Variants in SNX30 observed in about 807,000 individuals in gnomAD.
The protein encoded by SNX30 is sorting nexin family member 30.
SNX30 carries 24 observed loss-of-function variants against 46.4 expected under a neutral mutation model. The observed-to-expected ratio is 0.52, with a 90% confidence interval of 0.37 to 0.73. The LOEUF is 0.73. Among genes scored for constraint, SNX30 ranks in the 30% least tolerant of loss-of-function variants. The pLI is 0.00. For missense variants in SNX30, 533 were observed against 555.7 expected, an observed-to-expected ratio of 0.96 and a Z score of 0.41; for synonymous variants, 189 against 211.5, an observed-to-expected ratio of 0.89 and a Z score of 0.92.
chr9:112,842,692 T>C (rs920356707), intron 6 of SNX30, among the ~76,000 whole-genome samples: 6 of 152,242 alleles, frequency 3.9e-5, no homozygotes, highest in African/African-American at 9.6e-5. Flanking sequence ...TAGGTGACTT[T>C]AGGCTTTTCA....
intron 1 of SNX30, among the ~76,000 whole-genome samples, chr9:112,795,765 T>TCTCACACACACA (rs34877094): frequency 0.099 from 12,220 of 123,190 alleles, 638 homozygotes; most frequent in Middle Eastern, 0.18. Flanking sequence ...CACAGTACAG[T>TCTCACACACACA]CACACACACA....
At chr9:112,810,438 T>A (rs1289791737) in intron 2 of SNX30, among the ~76,000 whole-genome samples, 3 of 152,004 alleles carry the variant, frequency 2.0e-5, no homozygotes, top group Non-Finnish European at 4.4e-5. Flanking sequence ...TTGCTGTAAG[T>A]GATTGAAGTT....
intron 1 of SNX30, among the ~76,000 whole-genome samples, chr9:112,786,477 G>A (rs187354695): frequency 6.6e-6 from 1 of 151,968 alleles, no homozygotes; most frequent in Non-Finnish European, 1.5e-5. Flanking sequence ...AAGTAAGGCT[G>A]TAAGAGTTTT....
At chr9:112,851,507 C>T (rs1218801236) in intron 7 of SNX30, among the ~76,000 whole-genome samples, 4 of 152,154 alleles carry the variant, frequency 2.6e-5, no homozygotes, top group Non-Finnish European at 5.9e-5. Context: ...AAAAAGTGGC[C>T]CTTTACTCCA....
chr9:112,810,054 G>A (rs928621924), intron 2 of SNX30, among the ~76,000 whole-genome samples: 1 of 152,186 alleles, frequency 6.6e-6, no homozygotes, highest in Admixed American at 6.5e-5. Context: ...TGTTTGTGGA[G>A]AAGGAAGGGA....
chr9:112,831,404 T>G (rs1317944515), intron 4 of SNX30, among the ~76,000 whole-genome samples: 1 of 152,166 alleles, frequency 6.6e-6, no homozygotes, highest in Non-Finnish European at 1.5e-5. Flanking sequence ...GCTAAGTGTT[T>G]CCTTAAACAC....
chr9:112,810,952 C>T (rs1042741375), intron 2 of SNX30, among the ~76,000 whole-genome samples: 2 of 151,944 alleles, frequency 1.3e-5, no homozygotes, highest in South Asian at 2.1e-4. Context: ...GGGGGCTGGG[C>T]GAGGCTTGTG....
In SNX30 at chr9:112,834,882, A is replaced by ACACACACACACACACACACACC. The variant is rs56385707; in HGVS notation, c.619-1331_619-1330insACACACACACACACACACACCC. ...CACACACACACACACACACACACAC[A>ACACACACACACACACACACACC]CCTACCTCAATAGGAAAGGCTGGAT... is the stretch of plus-strand genomic sequence containing the variant. On this transcript the variant is annotated intron_variant, in intron 4 of 8. Coordinates refer to ENST00000374232, the MANE Select transcript of SNX30 (RefSeq NM_001012994.2). Among the ~76,000 whole-genome samples, 153 of 105,324 alleles carry ACACACACACACACACACACACC rather than the reference A, an allele frequency of 1.5e-3. 3 individuals carry two copies. Among genetic ancestry groups the ACACACACACACACACACACACC allele is most frequent in the Middle Eastern group, 4.6e-3 (1 of 218 alleles). The allele number at this position is 105,324 out of a possible 152,430, so 69.1% of individuals were successfully genotyped here.
chr9:112,806,065 A>G (rs940983462), intron 2 of SNX30, among the ~76,000 whole-genome samples: 20 of 152,198 alleles, frequency 1.3e-4, no homozygotes, highest in African/African-American at 4.8e-4. Flanking sequence ...CAATCTTGGC[A>G]GTATTAACCT....
At chr9:112,851,737 A>G (rs1841031045) in intron 7 of SNX30, among the ~76,000 whole-genome samples, 1 of 151,150 alleles carries the variant, frequency 6.6e-6, no homozygotes, top group Admixed American at 6.6e-5. Context: ...TGGGGATCAG[A>G]GTTTTTAAAG....
At chr9:112,835,141 C>T (rs1423444021) in intron 4 of SNX30, among the ~76,000 whole-genome samples, 1 of 152,068 alleles carries the variant, frequency 6.6e-6, no homozygotes, top group African/African-American at 2.4e-5. Flanking sequence ...CTAGTTATAC[C>T]CTTCTAGGTC....
chr9:112,764,807 A>G lies in SNX30; in HGVS notation c.156+13650A>G, dbSNP rs117218995. ...ATTAACTTAGCAAAAAGGTGAGCCT[A>G]TAGACAGGCTTGCTTTAACGTAGGA... is the stretch of plus-strand genomic sequence containing the variant. On this transcript the variant is annotated intron_variant, in intron 1 of 8. Coordinates refer to ENST00000374232, the MANE Select transcript of SNX30 (RefSeq NM_001012994.2). Among the ~76,000 whole-genome samples, 246 of 152,360 alleles carry G rather than the reference A, an allele frequency of 1.6e-3. 7 individuals carry two copies. In the East Asian group the frequency reaches 0.03, roughly 18 times the overall value.
chr9:112,879,421 C>T (rs1841551351), downstream of SNX30: 1 of 237,608 alleles, frequency 4.2e-6, no homozygotes, highest in Non-Finnish European at 8.3e-6. Flanking sequence ...AGAAAAGGGG[C>T]AGGCTCGCTG....
At chr9:112,798,041 C>A (rs745908029) in intron 1 of SNX30, among the ~76,000 whole-genome samples, 5 of 150,234 alleles carry the variant, frequency 3.3e-5, no homozygotes, top group East Asian at 3.9e-4. Flanking sequence ...CCTGGGCCCA[C>A]GTGGTGGTCT....
chr9:112,794,411 A>C (rs1840075560), intron 1 of SNX30, among the ~76,000 whole-genome samples: 1 of 152,194 alleles, frequency 6.6e-6, no homozygotes, highest in Non-Finnish European at 1.5e-5. Flanking sequence ...TCGACCTCCC[A>C]AAGTGCTGGG....
At chr9:112,882,295 T>TG (rs749513405), downstream of SNX30, among the ~76,000 whole-genome samples, 26 of 152,214 alleles carry the variant, frequency 1.7e-4, no homozygotes, top group South Asian at 8.3e-4. Context: ...TTTGTAGAGT[T>TG]GGGGTCTCAC....
At chr9:112,863,197 A>G (rs1427763566) in intron 7 of SNX30, among the ~76,000 whole-genome samples, 1 of 152,144 alleles carries the variant, frequency 6.6e-6, no homozygotes, top group Non-Finnish European at 1.5e-5. Context: ...CTTGGGTATA[A>G]ACCTCCTCGA....
chr9:112,804,962 A>G lies in SNX30; in HGVS notation c.343A>G (p.Thr115Ala). 1 of 1,591,940 alleles carries G rather than the reference A, an allele frequency of 6.3e-7. No homozygotes were observed. The highest frequency in any genetic ancestry group is 8.6e-7 in the Non-Finnish European group (1 of 1,165,502). ...METYITYRIT[T>A]KSTRVEFDLP... ...GACTTACATCACCTATAGGATCACC[A>G]CCAAAGTAGGTCCCTGTGTTATAGA... is the stretch of plus-strand genomic sequence containing the variant. The change falls in exon 2 of 9, where the codon ACC becomes GCC. Residue 115 changes from threonine (T) to alanine (A), a missense_variant. By Grantham distance (58) the Thr-to-Ala change is moderately conservative (BLOSUM62 0). Transcript: ENST00000374232.
intron 5 of SNX30, among the ~76,000 whole-genome samples, chr9:112,880,910 A>G (rs538132283): frequency 6.6e-6 from 1 of 152,140 alleles, no homozygotes. Context: ...GAACTTCTCC[A>G]TTTCCCATAA....
Sources: gnomAD v4.1 joint callset for allele counts (sites outside exome capture counted in the v4.1 genomes callset) on GRCh38, gnomAD v4.1.1 for gene constraint, MANE v1.5 for transcripts, NCBI Gene and HGNC (gene_info 2026-07-23, HGNC 2026-07-21) for gene names.